The following OSBPL10 variants were observed in gnomAD, a reference collection of about 807,000 sequenced individuals.
The protein encoded by OSBPL10 is oxysterol-binding protein-related protein 10.
Under a neutral mutation model 81.7 loss-of-function variants are expected in OSBPL10, and 49 were observed. The observed-to-expected ratio is 0.60, with a 90% CI of 0.48 to 0.76. The LOEUF (loss-of-function observed/expected upper bound fraction) is 0.76, where lower values mean the gene tolerates loss of function less well. Among genes scored for constraint, OSBPL10 ranks in the 30% least tolerant of loss-of-function variants. The pLI, the probability that OSBPL10 is intolerant of heterozygous loss-of-function variation, is 0.00. For synonymous variants in OSBPL10, 419 were observed against 383.6 expected (o/e 1.09, Z -1.08); for missense variants, 923 against 987.8 (o/e 0.93, Z 0.88).
chr3:31,809,888 T>TTTTTTG (rs1699630861), intron 4 of OSBPL10, among the ~76,000 whole-genome samples: 3 of 149,202 alleles, frequency 2.0e-5, no homozygotes, highest in Admixed American at 6.7e-5. Context: ...TTTTTTTTTT[T>TTTTTTG]GAGATGGAGT....
chr3:31,666,127 C>G (rs1374248621), intron 10 of OSBPL10, among the ~76,000 whole-genome samples: 2 of 152,152 alleles, frequency 1.3e-5, no homozygotes, highest in African/African-American at 4.8e-5. Flanking sequence ...TAAGCTTGCT[C>G]TGAGGAGGGG....
chr3:31,953,813 G>A (rs547596199), intron 1 of OSBPL10, among the ~76,000 whole-genome samples: 1 of 152,194 alleles, frequency 6.6e-6, no homozygotes, highest in Non-Finnish European at 1.5e-5. Context: ...ACGTGAAGAT[G>A]TTCAAAAGCT....
chr3:31,935,121 G>A (rs1289434677), intron 1 of OSBPL10, among the ~76,000 whole-genome samples: 2 of 152,126 alleles, frequency 1.3e-5, no homozygotes, highest in Admixed American at 1.3e-4. Flanking sequence ...TCAAGAAACC[G>A]AAGCTCTCCT....
At chr3:32,010,957 T>G (rs60085930) in intron 2 of OSBPL10, among the ~76,000 whole-genome samples, 31,560 of 152,048 alleles carry the variant, frequency 0.21, 5,448 homozygotes, top group East Asian at 0.47. Flanking sequence ...CTCAAACTGG[T>G]TGGAGCCCAC....
At chr3:32,066,413 G>C (rs1699780743) in intron 1 of OSBPL10, 1 of 152,162 alleles carries the variant, frequency 6.6e-6, no homozygotes, top group South Asian at 2.1e-4. Flanking sequence ...TCTGAGTTGA[G>C]CCAATCTCAC....
intron 3 of OSBPL10, among the ~76,000 whole-genome samples, chr3:31,874,000 T>C (rs1003893585): frequency 6.6e-6 from 1 of 152,170 alleles, no homozygotes; most frequent in African/African-American, 2.4e-5. Context: ...AGGCCTAAAC[T>C]TCTAAATTAT....
At chr3:31,708,627 C>T (rs774116878) in intron 6 of OSBPL10, 38 of 758,314 alleles carry the variant, frequency 5.0e-5, no homozygotes, top group Non-Finnish European at 5.8e-5. Context: ...TTCACTACTA[C>T]ATGCTTGGAA....
intron 1 of OSBPL10, among the ~76,000 whole-genome samples, chr3:32,077,085 A>G (rs1699882350): frequency 6.6e-6 from 1 of 152,122 alleles, no homozygotes; most frequent in Non-Finnish European, 1.5e-5. Flanking sequence ...CCCAGGCAAG[A>G]AAGGGGTTTG....
chr3:32,029,111 G>A (rs1359369594), intron 2 of OSBPL10, among the ~76,000 whole-genome samples: 1 of 152,014 alleles, frequency 6.6e-6, no homozygotes, highest in Admixed American at 6.6e-5. Context: ...ACCTGAAACT[G>A]GTGATCAGCA....
chr3:31,926,501 G>GCTTC (rs955261898), intron 1 of OSBPL10, among the ~76,000 whole-genome samples: 1 of 151,884 alleles, frequency 6.6e-6, no homozygotes, highest in African/African-American at 2.4e-5. Context: ...ACTTCACCTC[G>GCTTC]CTTCCTCATG....
chr3:31,905,700 G>A (rs190185762), intron 1 of OSBPL10, among the ~76,000 whole-genome samples: 3 of 152,086 alleles, frequency 2.0e-5, no homozygotes, highest in African/African-American at 4.8e-5. Context: ...CCTAGTGAGA[G>A]AGGAGGACAA....
At chr3:31,908,803 T>C (rs1332801649) in intron 1 of OSBPL10, among the ~76,000 whole-genome samples, 2 of 152,202 alleles carry the variant, frequency 1.3e-5, no homozygotes, top group African/African-American at 4.8e-5. Flanking sequence ...CTACAGATGA[T>C]GGCAGCACTT....
chr3:32,053,322 T>C (rs1315728867), intron 1 of OSBPL10, among the ~76,000 whole-genome samples: 11 of 152,166 alleles, frequency 7.2e-5, no homozygotes, highest in Non-Finnish European at 1.3e-4. Flanking sequence ...TAAGTTATAT[T>C]AGGATAAAGC....
At chr3:31,872,429 A>G (rs898368033) in intron 3 of OSBPL10, among the ~76,000 whole-genome samples, 1 of 150,592 alleles carries the variant, frequency 6.6e-6, no homozygotes, top group African/African-American at 2.5e-5. Flanking sequence ...TCAAAAGCCA[A>G]TACGTGTTTT....
At chr3:31,982,575 C>G (rs556074688), upstream of OSBPL10, among the ~76,000 whole-genome samples, 2 of 151,928 alleles carry the variant, frequency 1.3e-5, no homozygotes, top group African/African-American at 4.8e-5. Context: ...TAGAGATGCA[C>G]GGAGAAGCTT....
At chr3:31,724,237 G>C (rs1007306089) in intron 6 of OSBPL10, among the ~76,000 whole-genome samples, 1 of 152,130 alleles carries the variant, frequency 6.6e-6, no homozygotes, top group Non-Finnish European at 1.5e-5. Context: ...TTAATTCTTT[G>C]AGTACTGCTG....
intron 2 of OSBPL10, chr3:31,988,809 T>C (rs931701323): frequency 4.0e-6 from 2 of 503,838 alleles, no homozygotes; most frequent in Admixed American, 3.3e-5. Context: ...GTGAGTGACC[T>C]TGGAAGTAGG....
intron 7 of OSBPL10, among the ~76,000 whole-genome samples, chr3:31,697,464 AAAC>A (rs1695760533): frequency 6.6e-6 from 1 of 152,234 alleles, no homozygotes; most frequent in East Asian, 1.9e-4. Context: ...ATTAATAATA[AAAC>A]AATAAAACAA....
At chr3:31,754,696 T>C (rs1559450322) in intron 4 of OSBPL10, among the ~76,000 whole-genome samples, 1 of 152,194 alleles carries the variant, frequency 6.6e-6, no homozygotes, top group Non-Finnish European at 1.5e-5. Context: ...GTATGTTCTC[T>C]GTGGCAACTA....
Sources: allele counts gnomAD v4.1 joint callset (sites outside exome capture counted in the v4.1 genomes callset), GRCh38; gene constraint gnomAD v4.1.1; transcripts MANE v1.5; gene names NCBI Gene and HGNC (gene_info 2026-07-23, HGNC 2026-07-21).